The following SLC18A1 variants were observed in gnomAD, a reference collection of about 807,000 sequenced individuals.
The protein encoded by SLC18A1 is solute carrier family 18 member A1, also known as chromaffin granule amine transporter.
A neutral mutation model predicts 53.7 loss-of-function variants in SLC18A1; 69 were observed. The observed-to-expected ratio is 1.28, with a 90% CI of 1.06 to 1.57. The LOEUF is 1.57. SLC18A1 is among the 40% of genes most tolerant of loss of function. The probability of loss-of-function intolerance (pLI) is 0.00; values close to 1 mark genes in which losing one functional copy is unlikely to be tolerated. For synonymous variants in SLC18A1, 320 were observed against 248.1 expected, an observed-to-expected ratio of 1.29 and a Z score of -2.72; for missense variants, 932 against 668.1, an observed-to-expected ratio of 1.40 and a Z score of -4.35.
chr8:20,169,017 T>G (rs35563299), intron 8 of SLC18A1, among the ~76,000 whole-genome samples: 77,537 of 151,838 alleles, frequency 0.51, 20,146 homozygotes, highest in Middle Eastern at 0.69. Flanking sequence ...ATCTCCCACA[T>G]GTTATATATT....
At position 20,145,727 on chromosome 8, in the gene SLC18A1, C is replaced by A. The variant is rs751439153; in HGVS notation, c.*36G>T. 1 of 1,384,010 alleles carries A rather than the reference C, an allele frequency of 7.2e-7. No homozygotes were observed. The allele number at this position is 1,384,010 out of a possible 1,614,324, so 85.7% of individuals were successfully genotyped here. On this transcript the variant is annotated 3_prime_UTR_variant, in exon 16 of 16. Transcript: ENST00000276373. ...CTGGTCCCAGGGAAAGAGGTGGTCA[C>A]TGAGGCATCATGAATTCAAGGAGCA...
At chr8:20,153,942 G>A (rs1208079876) in intron 10 of SLC18A1, among the ~76,000 whole-genome samples, 1 of 152,156 alleles carries the variant, frequency 6.6e-6, no homozygotes, top group African/African-American at 2.4e-5. Context: ...GGGCTGAGTG[G>A]GAGGTGTTTG....
chr8:20,164,717 C>T (rs2071910560), intron 10 of SLC18A1, 152 bp downstream of exon 10: 1 of 610,310 alleles, frequency 1.6e-6, no homozygotes, highest in South Asian at 2.2e-5. Flanking sequence ...CTCTGAGGGA[C>T]CACACACCCT....
intron 10 of SLC18A1, among the ~76,000 whole-genome samples, chr8:20,155,006 A>T (rs1329354869): frequency 1.3e-5 from 2 of 152,120 alleles, no homozygotes; most frequent in Non-Finnish European, 2.9e-5. Flanking sequence ...GTTCATCCTA[A>T]TCCAGCTGAA....
At chr8:20,156,003 T>G (rs973403698) in intron 10 of SLC18A1, among the ~76,000 whole-genome samples, 4 of 152,228 alleles carry the variant, frequency 2.6e-5, no homozygotes, top group African/African-American at 9.6e-5. Context: ...TTACCCACCC[T>G]GTGCAATACA....
At chr8:20,163,991 C>T (rs940246761) in intron 10 of SLC18A1, among the ~76,000 whole-genome samples, 13 of 152,142 alleles carry the variant, frequency 8.5e-5, no homozygotes, top group Admixed American at 3.3e-4. Context: ...CTCAATTAAT[C>T]GTCATGGTCA....
rs547793914 is a variant in SLC18A1, at chr8:20,171,957, G to T, written c.725-463C>A. ...AAAGAAGAAAGCGGGTGTTAGCAGA[G>T]TATGAATATTTGCGAGGAGAAAAGT... is the stretch of plus-strand genomic sequence containing the variant. On this transcript the variant is annotated intron_variant, in intron 6 of 15. Transcript: ENST00000276373. Among the ~76,000 whole-genome samples the T allele has an allele frequency of 5.6e-4, 85 of 152,336 alleles. 1 individual carries two copies. Among genetic ancestry groups the T allele is most frequent in the African/African-American group, 2.0e-3 (83 of 41,578 alleles).
At chr8:20,146,706 C>A (rs1199246167) in intron 15 of SLC18A1, among the ~76,000 whole-genome samples, 1 of 151,974 alleles carries the variant, frequency 6.6e-6, no homozygotes, top group South Asian at 2.1e-4. Context: ...TGCCTGTAAT[C>A]CCAGCTACTT....
chr8:20,149,526 A>G, intron 12 of SLC18A1, 150 bp downstream of exon 12: 1 of 638,552 alleles, frequency 1.6e-6, no homozygotes, highest in South Asian at 2.0e-5. Flanking sequence ...TTGCCAAGCC[A>G]TCTCTGCTCA....
At chr8:20,169,150 G>T (rs1394210680) in intron 8 of SLC18A1, among the ~76,000 whole-genome samples, 1 of 152,060 alleles carries the variant, frequency 6.6e-6, no homozygotes, top group Non-Finnish European at 1.5e-5. Context: ...ATGAAACTCA[G>T]AAGGCTACGG....
rs1382551478 is a variant in SLC18A1 at position 20,144,877 on chromosome 8, A to T, written c.*886T>A. On this transcript the variant is annotated 3_prime_UTR_variant, in exon 16 of 16. Transcript: ENST00000276373. ...GTCTGAATTAGGCAATAATGTATTT[A>T]TTAGCAAGTATGAACAATGTCACAT... is the stretch of plus-strand genomic sequence containing the variant. The T allele has an allele frequency of 1.3e-5, 2 of 152,238 alleles. No individual in the cohort carries two copies. Among genetic ancestry groups the T allele is most frequent in the African/African-American group, 4.8e-5 (2 of 41,464 alleles). 9.4% of individuals were successfully genotyped at this position (152,238 alleles called of 1,614,324 possible). A position where few individuals can be genotyped will look rare whatever the true frequency, so the allele number is the denominator to read the frequency against.
chr8:20,165,038 C>T lies in SLC18A1; in HGVS notation c.919+9G>A. 6.2e-7 allele frequency: 1 copy of T among 1,614,128 alleles called. No homozygotes were observed. The highest frequency in any genetic ancestry group is 1.1e-5 in the South Asian group (1 of 91,082). On this transcript the variant is annotated intron_variant, in intron 9 of 15. Coordinates refer to ENST00000276373, the MANE Select transcript of SLC18A1 (RefSeq NM_003053.4). Reference sequence around the variant, plus strand: ...CTCCCCGCCCAATGGGAGGTCATCGCCAGCTTACCTGCAGCCACCAGGATG... The same window carrying T: ...CTCCCCGCCCAATGGGAGGTCATCGTCAGCTTACCTGCAGCCACCAGGATG...
At position 20,145,845 on chromosome 8, in the gene SLC18A1, G is replaced by C. The variant is rs116409427; in HGVS notation, c.1496C>G (p.Thr499Ser). The change falls in exon 16 of 16, where the codon ACC becomes AGC. Residue 499 changes from threonine to serine, a missense_variant. By Grantham distance (58) the Thr-to-Ser change is moderately conservative. Coordinates refer to ENST00000276373, the MANE Select transcript of SLC18A1 (RefSeq NM_003053.4). Reference sequence around the variant, plus strand: ...GGGCTTCTGGGTTGCATACATCCGGGTCTCCATGGGGCAGTCCTGACTCAG... The same window carrying C: ...GGGCTTCTGGGTTGCATACATCCGGCTCTCCATGGGGCAGTCCTGACTCAG... ...AILSQDCPME[T>S]RMYATQKPTK... The C allele has an allele frequency of 4.7e-4, 753 of 1,611,558 alleles. 5 individuals are homozygous for C. The African/African-American group carries it at 8.3e-3, about 18-fold the overall frequency.
intron 12 of SLC18A1, chr8:20,148,394 C>G (rs1429242415): frequency 2.6e-6 from 3 of 1,175,848 alleles, no homozygotes; most frequent in Middle Eastern, 2.2e-4. Context: ...TACTTTCTCC[C>G]CTTCCTCTAC....
At chr8:20,163,512 C>T (rs142615219) in intron 10 of SLC18A1, among the ~76,000 whole-genome samples, 1 of 152,198 alleles carries the variant, frequency 6.6e-6, no homozygotes, top group East Asian at 1.9e-4. Context: ...GGCCACATAG[C>T]AAGCACTCAG....
chr8:20,155,972 C>G (rs577370594), intron 10 of SLC18A1, among the ~76,000 whole-genome samples: 1 of 152,226 alleles, frequency 6.6e-6, no homozygotes, highest in Non-Finnish European at 1.5e-5. Context: ...AAGTACTCTC[C>G]TCTCTCAATT....
chr8:20,174,686 A>G (rs965389041), intron 4 of SLC18A1, among the ~76,000 whole-genome samples: 16 of 152,216 alleles, frequency 1.1e-4, no homozygotes, highest in Non-Finnish European at 2.4e-4. Flanking sequence ...CACACAGCAG[A>G]TGGAAGGCTG....
At chr8:20,178,253 C>A (rs2072301582) in intron 4 of SLC18A1, among the ~76,000 whole-genome samples, 182 bp downstream of exon 4, 1 of 152,108 alleles carries the variant, frequency 6.6e-6, no homozygotes. Context: ...TCCAACTAGA[C>A]TGAATTGTCA....
intron 2 of SLC18A1, 51 bp downstream of exon 2, chr8:20,180,790 T>G (rs2072405192): frequency 6.2e-7 from 1 of 1,609,226 alleles, no homozygotes; most frequent in East Asian, 2.2e-5. Flanking sequence ...GTACACTGCC[T>G]GCTGGGGCCC....
Sources: allele counts gnomAD v4.1 joint callset (sites outside exome capture counted in the v4.1 genomes callset), GRCh38; gene constraint gnomAD v4.1.1; transcripts MANE v1.5; gene names NCBI Gene and HGNC (gene_info 2026-07-23, HGNC 2026-07-21).